CDKAL1: variants seen among roughly 807,000 people sequenced by gnomAD.
CDKAL1 encodes CDKAL1 threonylcarbamoyladenosine tRNA methylthiotransferase, also known as threonylcarbamoyladenosine tRNA methylthiotransferase.
In CDKAL1, 32 loss-of-function variants were observed where a neutral mutation model predicts 68.2. The observed-to-expected ratio is 0.47, with a 90% CI of 0.35 to 0.63. The LOEUF is 0.63. Ranked by LOEUF, CDKAL1 falls within the 30% of genes least tolerant of loss-of-function variation. CDKAL1 has a pLI of 0.00. For missense variants in CDKAL1, 606 were observed against 696.7 expected, an observed-to-expected ratio of 0.87 and a Z score of 1.47; for synonymous variants, 234 against 244.3, an observed-to-expected ratio of 0.96 and a Z score of 0.39.
chr6:20,674,282 T>G (rs560337784), intron 5 of CDKAL1, among the ~76,000 whole-genome samples: 3 of 152,318 alleles, frequency 2.0e-5, no homozygotes, highest in African/African-American at 7.2e-5. Context: ...ATTACAGTGT[T>G]GAGCAGTAGT....
intron 9 of CDKAL1, among the ~76,000 whole-genome samples, chr6:20,921,888 C>A (rs1358109382): frequency 2.6e-5 from 4 of 152,138 alleles, no homozygotes; most frequent in African/African-American, 9.7e-5. Flanking sequence ...CTACTATTTT[C>A]TTTTAGGAAG....
intron 13 of CDKAL1, among the ~76,000 whole-genome samples, chr6:21,170,782 C>T (rs375521411): frequency 6.6e-6 from 1 of 151,948 alleles, no homozygotes; most frequent in Non-Finnish European, 1.5e-5. Flanking sequence ...TTACAGAGGC[C>T]GAGGAAGACA....
chr6:20,641,745 A>G (rs962607805), intron 4 of CDKAL1, among the ~76,000 whole-genome samples: 3 of 152,216 alleles, frequency 2.0e-5, no homozygotes, highest in Non-Finnish European at 4.4e-5. Context: ...CAGTGTCGTT[A>G]TAGTGGATAT....
chr6:20,798,917 CAAAA>C (rs200034795), intron 8 of CDKAL1, among the ~76,000 whole-genome samples: 9 of 103,180 alleles, frequency 8.7e-5, no homozygotes, highest in East Asian at 2.5e-4. Context: ...TATAATAATA[CAAAA>C]AAAAAAAAAA....
chr6:20,774,465 T>C (rs547033684), intron 7 of CDKAL1, among the ~76,000 whole-genome samples: 1 of 152,316 alleles, frequency 6.6e-6, no homozygotes, highest in East Asian at 1.9e-4. Flanking sequence ...ACCTTTATGA[T>C]TGGCTTCCTG....
At chr6:20,848,596 TAGA>T (rs1758820570) in intron 9 of CDKAL1, among the ~76,000 whole-genome samples, 1 of 152,206 alleles carries the variant, frequency 6.6e-6, no homozygotes, top group African/African-American at 2.4e-5. Context: ...GAGAACGTAT[TAGA>T]AGATTACTCT....
intron 8 of CDKAL1, among the ~76,000 whole-genome samples, chr6:20,811,910 G>C (rs553695433): frequency 2.1e-4 from 32 of 151,426 alleles, no homozygotes; most frequent in African/African-American, 7.5e-4. Flanking sequence ...AAACAATTTT[G>C]TTTCTTTTTA....
At chr6:20,772,915 C>T (rs1268649645) in intron 7 of CDKAL1, 1 of 152,236 alleles carries the variant, frequency 6.6e-6, no homozygotes, top group Non-Finnish European at 1.5e-5. Context: ...ACCTTGGTAA[C>T]ATCAGTACCT....
chr6:21,060,791 C>A (rs915701452), intron 11 of CDKAL1, among the ~76,000 whole-genome samples: 4 of 152,072 alleles, frequency 2.6e-5, no homozygotes, highest in Non-Finnish European at 1.5e-5. Context: ...CTAGAATAAA[C>A]CTCCACAGGA....
intron 9 of CDKAL1, among the ~76,000 whole-genome samples, chr6:20,876,740 T>A (rs1760538736): frequency 6.6e-6 from 1 of 152,204 alleles, no homozygotes; most frequent in South Asian, 2.1e-4. Flanking sequence ...CATTTTGTTT[T>A]CTTTCCTCAC....
intron 2 of CDKAL1, among the ~76,000 whole-genome samples, chr6:20,545,439 T>G (rs1168030768): frequency 2.6e-5 from 4 of 152,134 alleles, no homozygotes; most frequent in Non-Finnish European, 5.9e-5. Context: ...TCTTAATCTA[T>G]TTTTTCTTCT....
At chr6:21,217,643 G>A (rs9466001) in intron 15 of CDKAL1, among the ~76,000 whole-genome samples, 10,762 of 152,024 alleles carry the variant, frequency 0.071, 422 homozygotes, top group Non-Finnish European at 0.09. Flanking sequence ...GATTACAGGC[G>A]TGCACTAGCA....
intron 8 of CDKAL1, among the ~76,000 whole-genome samples, chr6:20,798,431 G>A (rs111917037): frequency 4.8e-4 from 73 of 152,224 alleles, no homozygotes; most frequent in African/African-American, 1.7e-3. Context: ...GAGAACCAGG[G>A]TAGATTGAAA....
At chr6:20,885,060 A>G (rs970673058) in intron 9 of CDKAL1, among the ~76,000 whole-genome samples, 1 of 152,234 alleles carries the variant, frequency 6.6e-6, no homozygotes, top group African/African-American at 2.4e-5. Context: ...AGGGATAGGA[A>G]TACTTAATAT....
intron 12 of CDKAL1, among the ~76,000 whole-genome samples, chr6:21,105,941 T>A (rs1312806724): frequency 6.6e-6 from 1 of 152,230 alleles, no homozygotes; most frequent in Non-Finnish European, 1.5e-5. Flanking sequence ...AGAAACATTC[T>A]AACCTTTAAA....
intron 13 of CDKAL1, among the ~76,000 whole-genome samples, chr6:21,192,204 G>T (rs1778282529): frequency 6.8e-6 from 1 of 148,088 alleles, no homozygotes; most frequent in African/African-American, 2.5e-5. Flanking sequence ...TGTATTTTTA[G>T]TAGAGACGGG....
chr6:20,895,975 A>C (rs1761658884), intron 9 of CDKAL1, among the ~76,000 whole-genome samples: 1 of 152,166 alleles, frequency 6.6e-6, no homozygotes, highest in African/African-American at 2.4e-5. Flanking sequence ...ATTATTAGGA[A>C]TATGTAAAAC....
At chr6:21,114,007 G>C (rs994748040) in intron 13 of CDKAL1, among the ~76,000 whole-genome samples, 4 of 151,646 alleles carry the variant, frequency 2.6e-5, no homozygotes, top group African/African-American at 4.8e-5. Context: ...CCAGCACTTT[G>C]AGAGGCCGAG....
At chr6:20,720,678 T>G (rs969624085) in intron 5 of CDKAL1, among the ~76,000 whole-genome samples, 1 of 152,198 alleles carries the variant, frequency 6.6e-6, no homozygotes, top group African/African-American at 2.4e-5. Context: ...TTTTGTATTT[T>G]TAGTAGAGAC....
Sources: allele counts gnomAD v4.1 joint callset (sites outside exome capture counted in the v4.1 genomes callset), GRCh38; gene constraint gnomAD v4.1.1; transcripts MANE v1.5; gene names NCBI Gene and HGNC (gene_info 2026-07-23, HGNC 2026-07-21).